The following MCPH1 variants were observed in gnomAD, a reference collection of about 807,000 sequenced individuals.
MCPH1 encodes the protein microcephalin.
In MCPH1, 104 loss-of-function variants were observed where a neutral mutation model predicts 84.5. The ratio of observed to expected loss-of-function variants is 1.23; its 90% CI spans 1.05 to 1.45. MCPH1 has a LOEUF of 1.45. Ranked by LOEUF, MCPH1 falls within the 40% of genes most tolerant of loss-of-function variation. The probability of loss-of-function intolerance (pLI) is 0.00; values close to 1 mark genes in which losing one functional copy is unlikely to be tolerated. For synonymous variants in MCPH1, 514 were observed against 366.8 expected (o/e 1.40, Z -4.58); for missense variants, 1,498 against 1,005.7 (o/e 1.49, Z -6.62).
At chr8:6,504,028 A>G (rs1204347377) in intron 12 of MCPH1, among the ~76,000 whole-genome samples, 1 of 152,288 alleles carries the variant, frequency 6.6e-6, no homozygotes, top group South Asian at 2.1e-4. Context: ...GAAATATTCT[A>G]TAAGCAGGGG....
intron 11 of MCPH1, among the ~76,000 whole-genome samples, chr8:6,498,102 C>G (rs138284052): frequency 6.6e-6 from 1 of 152,280 alleles, no homozygotes; most frequent in African/African-American, 2.4e-5. Context: ...AATTCATCAG[C>G]AAGGTTTTGG....
intron 12 of MCPH1, among the ~76,000 whole-genome samples, chr8:6,514,448 C>G (rs1377295872): frequency 1.3e-5 from 2 of 152,146 alleles, no homozygotes; most frequent in African/African-American, 4.8e-5. Flanking sequence ...CTCGGCCTCC[C>G]AAAGTGCTGG....
Position 6,647,674 on chromosome 8 carries a change from G to A in MCPH1, c.*4625G>A, listed in dbSNP as rs1469038326. 2 of 152,182 alleles carry A rather than the reference G, an allele frequency of 1.3e-5. No individual in the cohort carries two copies. The highest frequency in any genetic ancestry group is 1.5e-5 in the Non-Finnish European group (1 of 68,030). 9.4% of individuals were successfully genotyped at this position (152,182 alleles called of 1,614,324 possible). ...GGTCAGACACAAAAGACTACAAATTGTAAGATTCCATTTAGATACCATTTC... is the reference window on the plus strand; with the variant it reads ...GGTCAGACACAAAAGACTACAAATTATAAGATTCCATTTAGATACCATTTC... On this transcript the variant is annotated 3_prime_UTR_variant, in exon 14 of 14. Transcript: ENST00000344683.
intron 12 of MCPH1, chr8:6,619,123 C>G (rs918984794): frequency 1.3e-5 from 2 of 151,926 alleles, no homozygotes; most frequent in Non-Finnish European, 2.9e-5. Context: ...GTGATTAGCT[C>G]AGACCCATCC....
chr8:6,564,700 C>G (rs530463082), intron 12 of MCPH1, among the ~76,000 whole-genome samples: 1 of 152,168 alleles, frequency 6.6e-6, no homozygotes, highest in Admixed American at 6.5e-5. Flanking sequence ...AAGCTCTAAC[C>G]GAAAGACAGC....
At chr8:6,564,847 C>A (rs1428729902) in intron 12 of MCPH1, among the ~76,000 whole-genome samples, 1 of 152,190 alleles carries the variant, frequency 6.6e-6, no homozygotes, top group Non-Finnish European at 1.5e-5. Flanking sequence ...CTAGATCTTG[C>A]TACTGAACAT....
intron 12 of MCPH1, among the ~76,000 whole-genome samples, chr8:6,604,565 C>T (rs974129395): frequency 9.8e-5 from 15 of 152,364 alleles, no homozygotes; most frequent in East Asian, 3.9e-4. Flanking sequence ...AGTGCAGTGG[C>T]GCAAACTCGG....
At chr8:6,614,887 C>G (rs573396389) in intron 12 of MCPH1, among the ~76,000 whole-genome samples, 4 of 152,104 alleles carry the variant, frequency 2.6e-5, no homozygotes, top group African/African-American at 9.7e-5. Context: ...ACCCCATACC[C>G]CACCCTACTC....
intron 12 of MCPH1, among the ~76,000 whole-genome samples, chr8:6,517,919 T>C (rs371141255): frequency 5.9e-5 from 9 of 152,172 alleles, no homozygotes; most frequent in East Asian, 3.8e-4. Context: ...AAAATTGAGG[T>C]TTGTGAAAGC....
intron 11 of MCPH1, 116 bp from the exon 12 acceptor site, chr8:6,499,736 C>A: frequency 1.2e-6 from 1 of 828,118 alleles, no homozygotes; most frequent in Non-Finnish European, 2.1e-6. Flanking sequence ...GAGAACACAT[C>A]TATTTCAGAT....
chr8:6,491,785 G>A (rs1810623648), intron 11 of MCPH1, among the ~76,000 whole-genome samples: 2 of 151,958 alleles, frequency 1.3e-5, no homozygotes, highest in African/African-American at 4.8e-5. Flanking sequence ...CTTCATCCAT[G>A]TCCCTACAAA....
At chr8:6,445,647 C>T (rs1804242985) in intron 8 of MCPH1, 100 bp downstream of exon 8, 2 of 1,478,814 alleles carry the variant, frequency 1.4e-6, no homozygotes, top group African/African-American at 1.4e-5. Context: ...CTTATTTCCC[C>T]ATTTACTCCT....
chr8:6,575,856 C>T (rs1289446558), intron 12 of MCPH1, among the ~76,000 whole-genome samples: 1 of 152,120 alleles, frequency 6.6e-6, no homozygotes, highest in East Asian at 1.9e-4. Context: ...CAAAGATGAG[C>T]AGCCACTGCC....
At position 6,568,611 on chromosome 8, in the gene MCPH1, G is replaced by A. The variant is rs117635576; in HGVS notation, c.2215-52843G>A. Reference sequence around the variant, plus strand: ...ACCATCCCAGCAATGCATTGCCAGCGTGCAATTTGAAAAAGCCCTGCCGAG... The same window carrying A: ...ACCATCCCAGCAATGCATTGCCAGCATGCAATTTGAAAAAGCCCTGCCGAG... On this transcript the variant is annotated intron_variant, in intron 12 of 13. Transcript: ENST00000344683. Among the ~76,000 whole-genome samples, 818 of 152,274 alleles carry A rather than the reference G, an allele frequency of 5.4e-3. 6 individuals carry two copies. The highest frequency in any genetic ancestry group is 0.015 in the African/African-American group (624 of 41,556).
chr8:6,438,411 C>T (rs1262536700), intron 5 of MCPH1, among the ~76,000 whole-genome samples: 1 of 151,970 alleles, frequency 6.6e-6, no homozygotes, highest in African/African-American at 2.4e-5. Context: ...GCTCTTTGAG[C>T]ATATGCAAGG....
chr8:6,421,700 C>T (rs1041265474), intron 3 of MCPH1, among the ~76,000 whole-genome samples: 2 of 152,182 alleles, frequency 1.3e-5, no homozygotes, highest in East Asian at 1.9e-4. Context: ...GATTTGGATC[C>T]TGTGGCAGAG....
At chr8:6,476,489 A>C (rs539841711) in intron 9 of MCPH1, among the ~76,000 whole-genome samples, 61 of 152,226 alleles carry the variant, frequency 4.0e-4, no homozygotes, top group African/African-American at 1.4e-3. Context: ...TAAAAGCAGA[A>C]ATATAAAATT....
intron 12 of MCPH1, chr8:6,514,849 G>A: frequency 1.5e-6 from 2 of 1,346,820 alleles, no homozygotes; most frequent in Non-Finnish European, 2.1e-6. Flanking sequence ...GAAGCAGGAG[G>A]AATGTAGACC....
At chr8:6,603,646 T>C (rs1315233863) in intron 12 of MCPH1, among the ~76,000 whole-genome samples, 1 of 152,174 alleles carries the variant, frequency 6.6e-6, no homozygotes, top group East Asian at 1.9e-4. Context: ...CCTTCCTGCT[T>C]TCAGTAAGTT....
Sources: gnomAD v4.1 joint callset for allele counts (sites outside exome capture counted in the v4.1 genomes callset) on GRCh38, gnomAD v4.1.1 for gene constraint, MANE v1.5 for transcripts, NCBI Gene and HGNC (gene_info 2026-07-23, HGNC 2026-07-21) for gene names.